EFCAB11: variants seen among roughly 807,000 people sequenced by gnomAD.
EFCAB11 encodes EF-hand calcium binding domain 11, also known as EF-hand calcium-binding domain-containing protein 11.
Under a neutral mutation model 23.0 loss-of-function variants are expected in EFCAB11, and 14 were observed. The observed-to-expected ratio is 0.61, with a 90% confidence interval of 0.40 to 0.95. The LOEUF is 0.95. Ranked by LOEUF, EFCAB11 falls within the 40% of genes least tolerant of loss-of-function variation. The probability of loss-of-function intolerance (pLI) is 0.00; values close to 1 mark genes in which losing one functional copy is unlikely to be tolerated. For missense variants in EFCAB11, 198 were observed against 195.8 expected (o/e 1.01, Z -0.07); for synonymous variants, 65 against 66.6 (o/e 0.98, Z 0.11).
chr14:89,801,801 C>A (rs1022570036), intron 5 of EFCAB11, among the ~76,000 whole-genome samples: 1 of 152,116 alleles, frequency 6.6e-6, no homozygotes. Context: ...CAAGACCAGC[C>A]TGGGCAACAT....
Position 89,895,509 on chromosome 14 carries a change from C to A in EFCAB11, c.410+36032G>T, listed in dbSNP as rs11622008. ...ACAGATTAAGTGACCAGTGAAACAA[C>A]AGAAAACACAGGAGCAGAGGCAGCA... On this transcript the variant is annotated intron_variant, in intron 5 of 5. Coordinates refer to ENST00000316738, the MANE Select transcript of EFCAB11 (RefSeq NM_145231.4). 5.8e-3 allele frequency among the ~76,000 whole-genome samples: 882 copies of A among 152,184 alleles called. 5 individuals carry two copies. Among genetic ancestry groups the A allele is most frequent in the Middle Eastern group, 0.017 (5 of 294 alleles).
intron 5 of EFCAB11, among the ~76,000 whole-genome samples, chr14:89,837,458 C>T (rs1052015890): frequency 6.6e-6 from 1 of 152,202 alleles, no homozygotes; most frequent in Admixed American, 6.5e-5. Flanking sequence ...CTCTTGGGCT[C>T]CTGTAATAAC....
In EFCAB11 at chr14:89,867,265, T is replaced by C. The variant is rs112756966; in HGVS notation, c.410+64276A>G. On this transcript the variant is annotated intron_variant, in intron 5 of 5. Coordinates refer to ENST00000316738, the MANE Select transcript of EFCAB11 (RefSeq NM_145231.4). ...TTTTAGTCAGCGACCCTGCCTTATATAGGCAGTCCCTACATTTATTACTAT... is the reference window on the plus strand; with the variant it reads ...TTTTAGTCAGCGACCCTGCCTTATACAGGCAGTCCCTACATTTATTACTAT... 2.6e-5 allele frequency among the ~76,000 whole-genome samples: 4 copies of C among 152,318 alleles called. 1 individual carries two copies. The highest frequency in any genetic ancestry group is 9.6e-5 in the African/African-American group (4 of 41,568).
At chr14:89,834,187 C>T (rs531733710) in intron 5 of EFCAB11, among the ~76,000 whole-genome samples, 4 of 146,540 alleles carry the variant, frequency 2.7e-5, no homozygotes, top group Admixed American at 6.9e-5. Context: ...CCATCCTGGC[C>T]GACGTGGTGA....
chr14:89,827,472 G>C (rs541564666), intron 5 of EFCAB11, among the ~76,000 whole-genome samples: 56 of 152,256 alleles, frequency 3.7e-4, no homozygotes, highest in Non-Finnish European at 6.0e-4. Context: ...AGGACCTAAA[G>C]GGAAGCAGCT....
intron 5 of EFCAB11, among the ~76,000 whole-genome samples, chr14:89,929,030 C>CATATATATATATATATATATATTTT (rs34339124): frequency 1.6e-4 from 19 of 121,294 alleles, no homozygotes; most frequent in Admixed American, 4.7e-4. Flanking sequence ...TAAATACATA[C>CATATATATATATATATATATATTTT]ATATATATAT....
chr14:89,951,776 A>AG (rs1042359429), intron 2 of EFCAB11, among the ~76,000 whole-genome samples: 1 of 151,694 alleles, frequency 6.6e-6, no homozygotes, highest in African/African-American at 2.4e-5. Context: ...AAGAAAAAAA[A>AG]GAACCGGGTA....
rs1032110562 is a variant in EFCAB11 at position 89,814,862 on chromosome 14, A to AT, written c.411-17539dup. ...AGCTAATAACTCTGGGCTTTCGGAG[A>AT]TTTTGAGGGTCTTTGCCAAAAACCC... On this transcript the variant is annotated intron_variant, in intron 5 of 5. Coordinates refer to ENST00000316738, the MANE Select transcript of EFCAB11 (RefSeq NM_145231.4). Among the ~76,000 whole-genome samples the AT allele has an allele frequency of 2.0e-5, 3 of 152,180 alleles. No homozygotes were observed. In the East Asian group the frequency reaches 5.8e-4, roughly 29 times the overall value.
intron 5 of EFCAB11, among the ~76,000 whole-genome samples, chr14:89,870,645 T>C (rs930605960): frequency 1.3e-5 from 2 of 151,814 alleles, no homozygotes; most frequent in African/African-American, 2.4e-5. Flanking sequence ...AAGATTACCA[T>C]AGCTGGCTGG....
rs73320728 is a variant in EFCAB11, at chr14:89,878,418, T to C, written c.410+53123A>G. Among the ~76,000 whole-genome samples the C allele has an allele frequency of 6.2e-3, 945 of 152,304 alleles. 7 individuals are homozygous for C. Among genetic ancestry groups the C allele is most frequent in the African/African-American group, 0.021 (884 of 41,560 alleles). On this transcript the variant is annotated intron_variant, in intron 5 of 5. Transcript: ENST00000316738. Reference sequence around the variant, plus strand: ...TGAACTTTACAAACAGGTCAGATGCTACCCACTATTTAAATATTTACAATA... The same window carrying C: ...TGAACTTTACAAACAGGTCAGATGCCACCCACTATTTAAATATTTACAATA...
At chr14:89,942,101 T>G (rs1890815780) in intron 3 of EFCAB11, among the ~76,000 whole-genome samples, 1 of 152,172 alleles carries the variant, frequency 6.6e-6, no homozygotes, top group Non-Finnish European at 1.5e-5. Flanking sequence ...CTTTGCCTTC[T>G]GCCATGATTC....
intron 5 of EFCAB11, among the ~76,000 whole-genome samples, chr14:89,929,022 AATAC>A (rs1890291685): frequency 6.9e-6 from 1 of 145,318 alleles, no homozygotes; most frequent in Non-Finnish European, 1.5e-5. Context: ...TGGACATATA[AATAC>A]ATACATATAT....
At chr14:89,926,827 T>C (rs1176157245) in intron 5 of EFCAB11, among the ~76,000 whole-genome samples, 1 of 152,196 alleles carries the variant, frequency 6.6e-6, no homozygotes, top group East Asian at 1.9e-4. Flanking sequence ...TGACCCCTAC[T>C]TGAGGATAAA....
chr14:89,829,609 A>G (rs1334445821), intron 5 of EFCAB11, among the ~76,000 whole-genome samples: 3 of 152,226 alleles, frequency 2.0e-5, no homozygotes, highest in African/African-American at 7.2e-5. Context: ...TGATCTTAAT[A>G]CTTCCATGCA....
At chr14:89,798,474 C>G (rs980066669) in intron 5 of EFCAB11, among the ~76,000 whole-genome samples, 26 of 152,362 alleles carry the variant, frequency 1.7e-4, no homozygotes, top group African/African-American at 6.0e-4. Flanking sequence ...TTACTAACTA[C>G]AGAATATAAA....
rs184201844 is a variant in EFCAB11 at position 89,857,324 on chromosome 14, A to G, written c.411-60000T>C. On this transcript the variant is annotated intron_variant, in intron 5 of 5. Coordinates refer to ENST00000316738, the MANE Select transcript of EFCAB11 (RefSeq NM_145231.4). ...CCAGTCAAGTGGCAAACAGATACAG[A>G]CCAAAAAGTGCTATAATCATGACGC... 5.9e-5 allele frequency among the ~76,000 whole-genome samples: 9 copies of G among 152,208 alleles called. No individual in the cohort carries two copies. The East Asian group carries it at 7.7e-4, about 13-fold the overall frequency.
chr14:89,908,455 C>T (rs1889563827), intron 5 of EFCAB11, among the ~76,000 whole-genome samples: 1 of 152,168 alleles, frequency 6.6e-6, no homozygotes, highest in Admixed American at 6.5e-5. Context: ...AAATTCCATA[C>T]ATAAGTATTT....
In EFCAB11 at chr14:89,931,534, G is replaced by A; in HGVS notation, c.410+7C>T. ...AGGTGGTGTACAGAAGGATTTTGAT[G>A]CCTTACCTGAATACCTCAAGAACAG... On this transcript the variant is annotated splice_region_variant and intron_variant, in intron 5 of 5. Coordinates refer to ENST00000316738, the MANE Select transcript of EFCAB11 (RefSeq NM_145231.4). The A allele has an allele frequency of 3.7e-6, 6 of 1,610,888 alleles. No homozygotes were observed. The highest frequency in any genetic ancestry group is 5.1e-6 in the Non-Finnish European group (6 of 1,178,594).
chr14:89,887,816 T>A (rs930632285), intron 5 of EFCAB11, among the ~76,000 whole-genome samples: 1 of 152,238 alleles, frequency 6.6e-6, no homozygotes, highest in African/African-American at 2.4e-5. Flanking sequence ...CAGTAAGACA[T>A]TAAACATCTG....
Sources: allele counts gnomAD v4.1 joint callset (sites outside exome capture counted in the v4.1 genomes callset), GRCh38; gene constraint gnomAD v4.1.1; transcripts MANE v1.5; gene names NCBI Gene and HGNC (gene_info 2026-07-23, HGNC 2026-07-21).